Variants in SLC22A23 observed in about 807,000 individuals in gnomAD.
SLC22A23 encodes solute carrier family 22 member 23.
In SLC22A23, 26 loss-of-function variants were observed where a neutral mutation model predicts 61.0. That is an observed-to-expected ratio of 0.43 (90% CI 0.31 to 0.59). The LOEUF is 0.59. Among genes scored for constraint, SLC22A23 ranks in the 20% least tolerant of loss-of-function variants. The probability of loss-of-function intolerance (pLI) is 0.11; values close to 1 mark genes in which losing one functional copy is unlikely to be tolerated. For synonymous variants in SLC22A23, 430 were observed against 413.9 expected, an observed-to-expected ratio of 1.04 and a Z score of -0.47; for missense variants, 796 against 934.7, an observed-to-expected ratio of 0.85 and a Z score of 1.94.
At chr6:3,358,523 C>A (rs1022937840) in intron 3 of SLC22A23, among the ~76,000 whole-genome samples, 1 of 140,858 alleles carries the variant, frequency 7.1e-6, no homozygotes, top group Admixed American at 7.1e-5. Context: ...TAAAAATAGG[C>A]AAATTCAGAA....
Position 3,286,243 on chromosome 6 carries a change from C to T in SLC22A23, c.1546+616G>A, listed in dbSNP as rs1254597537. Among the ~76,000 whole-genome samples, 1 of 152,014 alleles carries T rather than the reference C, an allele frequency of 6.6e-6. No homozygotes were observed. The highest frequency in any genetic ancestry group is 2.4e-5 in the African/African-American group (1 of 41,388). Reference sequence around the variant, plus strand: ...CCTCCTGAGTAGCTGGGACTACAGGCGTGTACCACCAAGCCCAGCTAATTA... The same window carrying T: ...CCTCCTGAGTAGCTGGGACTACAGGTGTGTACCACCAAGCCCAGCTAATTA... On this transcript the variant is annotated intron_variant, in intron 7 of 9. Coordinates refer to ENST00000406686, the MANE Select transcript of SLC22A23 (RefSeq NM_015482.2). The surrounding 1 kb of genome is among the most constrained non-coding windows in gnomAD (Gnocchi z 4.2).
chr6:3,282,369 T>C, intron 9 of SLC22A23: 1 of 697,854 alleles, frequency 1.4e-6, no homozygotes, highest in Admixed American at 2.0e-5. Flanking sequence ...AATCATACAA[T>C]GCCTTGGCAT....
rs1325638705 is a variant in SLC22A23 at position 3,318,425 on chromosome 6, G to A, written c.1082+5409C>T. Among the ~76,000 whole-genome samples the A allele has an allele frequency of 6.6e-6, 1 of 152,064 alleles. No individual in the cohort carries two copies. The highest frequency in any genetic ancestry group is 2.4e-5 in the African/African-American group (1 of 41,400). On this transcript the variant is annotated intron_variant, in intron 4 of 9. Transcript: ENST00000406686. This position sits in a 1 kb window ranked among gnomAD's most constrained non-coding sequence, Gnocchi z 4.3. ...CCCGGGGCCAGCTTCCAGACACCTAGGGACAGCCCTATGCCCACGCGCTGC... is the reference window on the plus strand; with the variant it reads ...CCCGGGGCCAGCTTCCAGACACCTAAGGACAGCCCTATGCCCACGCGCTGC...
chr6:3,370,197 T>C (rs1766118089), intron 3 of SLC22A23, among the ~76,000 whole-genome samples: 1 of 152,226 alleles, frequency 6.6e-6, no homozygotes. Context: ...AAAAAGAGGT[T>C]AGCCATACGT....
At chr6:3,332,732 T>C (rs1763646775) in intron 3 of SLC22A23, among the ~76,000 whole-genome samples, 1 of 152,222 alleles carries the variant, frequency 6.6e-6, no homozygotes, top group Non-Finnish European at 1.5e-5. Context: ...ATCTAGTCTG[T>C]GTCCAACCTA....
chr6:3,386,840 C>A lies in SLC22A23; in HGVS notation c.913+23348G>T, dbSNP rs928241273. Among the ~76,000 whole-genome samples the A allele has an allele frequency of 6.6e-6, 1 of 152,226 alleles. No individual in the cohort carries two copies. The highest frequency in any genetic ancestry group is 1.5e-5 in the Non-Finnish European group (1 of 68,034). On this transcript the variant is annotated intron_variant, in intron 3 of 9. Coordinates refer to ENST00000406686, the MANE Select transcript of SLC22A23 (RefSeq NM_015482.2). This position sits in a 1 kb window ranked among gnomAD's most constrained non-coding sequence, Gnocchi z 4.4. ...ACGGACCTGGCAGCAACATGGGGAACAAGGACTTGCTTCCACAGGGCCGGC... is the reference window on the plus strand; with the variant it reads ...ACGGACCTGGCAGCAACATGGGGAAAAAGGACTTGCTTCCACAGGGCCGGC...
chr6:3,362,443 T>TAAAAAAAAAAAAAAAAAAAAAAAAA (rs1765538891), intron 3 of SLC22A23, among the ~76,000 whole-genome samples: 1 of 110,682 alleles, frequency 9.0e-6, no homozygotes, highest in African/African-American at 3.8e-5. Context: ...AAATAAAAAT[T>TAAAAAAAAAAAAAAAAAAAAAAAAA]AGCATGCATT....
chr6:3,347,931 C>T (rs1764535188), intron 3 of SLC22A23, among the ~76,000 whole-genome samples: 1 of 152,138 alleles, frequency 6.6e-6, no homozygotes, highest in African/African-American at 2.4e-5. Context: ...GCGGCTGTTG[C>T]CCCAGCCTGG....
intron 2 of SLC22A23, among the ~76,000 whole-genome samples, chr6:3,413,249 A>G (rs1296077154): frequency 6.6e-6 from 1 of 152,174 alleles, no homozygotes; most frequent in Non-Finnish European, 1.5e-5. Flanking sequence ...CTGGCCCCAG[A>G]GAGAAAGAGG....
intron 4 of SLC22A23, among the ~76,000 whole-genome samples, chr6:3,298,660 C>A (rs1054800720): frequency 1.4e-4 from 21 of 152,116 alleles, no homozygotes; most frequent in South Asian, 1.0e-3. Context: ...TACAGTTTCA[C>A]ATAGCTAGGA....
Position 3,410,032 on chromosome 6 carries a change from A to G in SLC22A23, c.913+156T>C, listed in dbSNP as rs1380536838. ...GAAATGTTTCACGGCATCACCTGAA[A>G]AGCCTCTTTCACAACACTTGAGGCC... On this transcript the variant is annotated intron_variant, in intron 3 of 9. Coordinates refer to ENST00000406686, the MANE Select transcript of SLC22A23 (RefSeq NM_015482.2). This position sits in a 1 kb window ranked among gnomAD's most constrained non-coding sequence, Gnocchi z 5.0. Among the ~76,000 whole-genome samples the G allele has an allele frequency of 6.6e-6, 1 of 152,214 alleles. No homozygotes were observed. Among genetic ancestry groups the G allele is most frequent in the Non-Finnish European group, 1.5e-5 (1 of 68,046 alleles).
intron 3 of SLC22A23, among the ~76,000 whole-genome samples, chr6:3,361,834 AAC>A (rs1334439748): frequency 6.6e-6 from 1 of 152,220 alleles, no homozygotes; most frequent in East Asian, 1.9e-4. Context: ...TCAAGCGGGA[AAC>A]ACGTGCCGGT....
At chr6:3,393,041 G>A (rs528852017) in intron 3 of SLC22A23, among the ~76,000 whole-genome samples, 1 of 152,324 alleles carries the variant, frequency 6.6e-6, no homozygotes, top group African/African-American at 2.4e-5. Context: ...CCAAGTGGGT[G>A]AGGTATCATG....
At chr6:3,306,409 T>C (rs895994523) in intron 4 of SLC22A23, among the ~76,000 whole-genome samples, 11 of 152,258 alleles carry the variant, frequency 7.2e-5, no homozygotes, top group Admixed American at 6.5e-4. Context: ...AAACCACAGA[T>C]GTGGAACAGG....
chr6:3,411,631 C>CAA (rs35882839), intron 2 of SLC22A23, among the ~76,000 whole-genome samples: 39 of 146,644 alleles, frequency 2.7e-4, no homozygotes, highest in East Asian at 6.0e-4. Context: ...AATAAAACTT[C>CAA]AAAAAAAAAA....
chr6:3,430,319 T>A (rs958685217), intron 1 of SLC22A23, among the ~76,000 whole-genome samples: 1 of 152,150 alleles, frequency 6.6e-6, no homozygotes, highest in African/African-American at 2.4e-5. Context: ...TCAAAGGACA[T>A]TGCCCGCCAA....
intron 2 of SLC22A23, among the ~76,000 whole-genome samples, 182 bp downstream of exon 2, chr6:3,415,570 T>C (rs145746093): frequency 7.7e-4 from 118 of 152,358 alleles, no homozygotes; most frequent in African/African-American, 2.6e-3. Context: ...CACTTCCAAA[T>C]GATCTGCTAC....
At chr6:3,299,851 A>G (rs927664350) in intron 4 of SLC22A23, among the ~76,000 whole-genome samples, 21 of 152,230 alleles carry the variant, frequency 1.4e-4, no homozygotes, top group African/African-American at 5.1e-4. Flanking sequence ...TCAAAGCTCA[A>G]GATGACAGTC....
At chr6:3,366,354 A>AAAAAAAG (rs1765830673) in intron 3 of SLC22A23, among the ~76,000 whole-genome samples, 4 of 78,488 alleles carry the variant, frequency 5.1e-5, no homozygotes, top group South Asian at 5.5e-4. Flanking sequence ...AAAAAAAAAA[A>AAAAAAAG]AAAGAAAGAA....
Sources: allele counts gnomAD v4.1 joint callset (sites outside exome capture counted in the v4.1 genomes callset), GRCh38; gene constraint gnomAD v4.1.1; non-coding constraint Gnocchi (gnomAD v3.1); transcripts MANE v1.5; gene names NCBI Gene and HGNC (gene_info 2026-07-23, HGNC 2026-07-21).